The following ADD3 variants were observed in gnomAD, a reference collection of about 807,000 sequenced individuals.
ADD3 encodes the protein gamma-adducin.
In ADD3, 25 loss-of-function variants were observed where a neutral mutation model predicts 80.2. That is an observed-to-expected ratio of 0.31 (90% CI 0.23 to 0.44). The LOEUF is 0.44. ADD3 is among the 20% of genes least tolerant of loss of function. ADD3 has a pLI of 1.00. For missense variants in ADD3, 829 were observed against 847.5 expected, an observed-to-expected ratio of 0.98 and a Z score of 0.27; for synonymous variants, 284 against 289.6, an observed-to-expected ratio of 0.98 and a Z score of 0.20.
intron 10 of ADD3, among the ~76,000 whole-genome samples, chr10:110,125,553 C>G (rs907310863): frequency 6.6e-6 from 1 of 152,010 alleles, no homozygotes; most frequent in Non-Finnish European, 1.5e-5. Flanking sequence ...GTAGTTTCAG[C>G]ATCATATTTT....
chr10:110,128,281 G>T (rs1278111881), intron 12 of ADD3, among the ~76,000 whole-genome samples: 1 of 151,170 alleles, frequency 6.6e-6, no homozygotes, highest in Non-Finnish European at 1.5e-5. Flanking sequence ...TTGGATGTTG[G>T]GCCTCTTTGA....
chr10:110,033,419 G>A (rs1015602048), intron 1 of ADD3, among the ~76,000 whole-genome samples: 4 of 152,118 alleles, frequency 2.6e-5, no homozygotes, highest in African/African-American at 4.8e-5. Context: ...TGTTCATGTC[G>A]CCATACAATT....
At chr10:110,129,138 C>G (rs892464650) in intron 12 of ADD3, among the ~76,000 whole-genome samples, 6 of 148,728 alleles carry the variant, frequency 4.0e-5, no homozygotes, top group Non-Finnish European at 8.9e-5. Flanking sequence ...GTTTTTCTTT[C>G]TTTCTTTCTT....
chr10:110,122,044 G>C, intron 8 of ADD3, 66 bp from the exon 9 acceptor site: 1 of 1,398,758 alleles, frequency 7.1e-7, no homozygotes, highest in South Asian at 1.6e-5. Flanking sequence ...GTGCCTTTTT[G>C]AAAGTAAAAT....
chr10:110,089,692 TACAC>T (rs1232252193), intron 1 of ADD3, among the ~76,000 whole-genome samples: 1 of 151,656 alleles, frequency 6.6e-6, no homozygotes, highest in African/African-American at 2.4e-5. Context: ...TATATATATG[TACAC>T]ACACATATGT....
intron 1 of ADD3, among the ~76,000 whole-genome samples, chr10:109,996,787 A>C (rs995117547): frequency 6.6e-6 from 1 of 152,202 alleles, no homozygotes; most frequent in African/African-American, 2.4e-5. Flanking sequence ...CAAGGTATTT[A>C]AATCATGCGT....
chr10:110,114,109 G>C (rs1278717366), intron 3 of ADD3, among the ~76,000 whole-genome samples: 1 of 152,202 alleles, frequency 6.6e-6, no homozygotes, highest in Admixed American at 6.5e-5. Context: ...TGGGCCTGCT[G>C]GCTGGAATGT....
intron 1 of ADD3, among the ~76,000 whole-genome samples, chr10:110,037,593 AGACT>A (rs901088073): frequency 6.7e-6 from 1 of 149,786 alleles, no homozygotes; most frequent in Non-Finnish European, 1.5e-5. Flanking sequence ...CGACAGGGCA[AGACT>A]CAGTCTCAAA....
intron 1 of ADD3, among the ~76,000 whole-genome samples, chr10:110,032,871 T>C (rs930417992): frequency 2.7e-4 from 41 of 152,298 alleles, no homozygotes; most frequent in African/African-American, 8.7e-4. Context: ...CCAGAAACTT[T>C]ATCGAGAGGA....
rs1408968953 is a variant in ADD3, at chr10:110,063,771, ATATAT to A, written c.-29-36853_-29-36849del. Among the ~76,000 whole-genome samples the A allele has an allele frequency of 4.3e-4, 41 of 96,050 alleles. 1 individual carries two copies. The highest frequency in any genetic ancestry group is 1.3e-3 in the African/African-American group (38 of 29,258). The allele number at this position is 96,050 out of a possible 152,430, so 63.0% of individuals were successfully genotyped here. On this transcript the variant is annotated intron_variant, in intron 1 of 14. Coordinates refer to ENST00000356080, the MANE Select transcript of ADD3 (RefSeq NM_016824.5). Reference sequence around the variant, plus strand: ...TATATATATATATATATATATATATATATATATATATAAAGTGAACACCGTGTGTA... The same window carrying A: ...TATATATATATATATATATATATATAATATATAAAGTGAACACCGTGTGTA...
At chr10:110,034,510 G>C (rs1009191641) in intron 1 of ADD3, among the ~76,000 whole-genome samples, 1 of 151,578 alleles carries the variant, frequency 6.6e-6, no homozygotes, top group African/African-American at 2.4e-5. Flanking sequence ...AAATGTTTTA[G>C]TAGCAATTAA....
At chr10:110,017,309 A>G (rs1303875879) in intron 1 of ADD3, among the ~76,000 whole-genome samples, 2 of 152,220 alleles carry the variant, frequency 1.3e-5, no homozygotes, top group African/African-American at 4.8e-5. Flanking sequence ...GTTGTTTTTA[A>G]GGAAGTGGTA....
Position 110,119,195 on chromosome 10 carries a change from G to A in ADD3, c.718-16G>A. On this transcript the variant is annotated splice_polypyrimidine_tract_variant and intron_variant, in intron 6 of 14. Coordinates refer to ENST00000356080, the MANE Select transcript of ADD3 (RefSeq NM_016824.5). Reference sequence around the variant, plus strand: ...GTAACCAAATGTGTTATCTTGGTATGGGCCAAACCAAATAGGTATCCTCCA... The same window carrying A: ...GTAACCAAATGTGTTATCTTGGTATAGGCCAAACCAAATAGGTATCCTCCA... 1 of 1,613,436 alleles carries A rather than the reference G, an allele frequency of 6.2e-7. No homozygotes were observed. The highest frequency in any genetic ancestry group is 1.1e-5 in the South Asian group (1 of 90,996).
intron 1 of ADD3, among the ~76,000 whole-genome samples, chr10:110,095,209 A>T (rs1848007521): frequency 6.6e-6 from 1 of 152,194 alleles, no homozygotes; most frequent in South Asian, 2.1e-4. Flanking sequence ...TTGGATTTTT[A>T]AAATAACAGT....
chr10:110,106,680 C>G (rs543754443), intron 2 of ADD3, among the ~76,000 whole-genome samples: 1 of 151,998 alleles, frequency 6.6e-6, no homozygotes, highest in East Asian at 1.9e-4. Context: ...TTTAAGGCAC[C>G]CTGTCTCTAA....
intron 1 of ADD3, among the ~76,000 whole-genome samples, chr10:110,049,416 C>T (rs1857246735): frequency 6.6e-6 from 1 of 152,200 alleles, no homozygotes; most frequent in South Asian, 2.1e-4. Flanking sequence ...TGACAGCTTG[C>T]ACCGTGTGCC....
intron 1 of ADD3, among the ~76,000 whole-genome samples, chr10:110,097,188 G>T (rs1040664678): frequency 1.3e-5 from 2 of 152,126 alleles, no homozygotes; most frequent in Non-Finnish European, 2.9e-5. Context: ...AAGTGGATTG[G>T]GAATATAGCT....
intron 1 of ADD3, among the ~76,000 whole-genome samples, chr10:110,041,199 C>T (rs1856319644): frequency 1.3e-5 from 2 of 152,138 alleles, no homozygotes; most frequent in Admixed American, 1.3e-4. Flanking sequence ...AGATCTGGAG[C>T]ACAAGCTAGA....
intron 1 of ADD3, among the ~76,000 whole-genome samples, chr10:110,074,637 GCTAT>G (rs1394629818): frequency 2.0e-5 from 3 of 151,200 alleles, no homozygotes; most frequent in African/African-American, 4.9e-5. Flanking sequence ...TTTTTAAAAT[GCTAT>G]CTTTCTCTTT....
Sources: allele counts gnomAD v4.1 joint callset (sites outside exome capture counted in the v4.1 genomes callset), GRCh38; gene constraint gnomAD v4.1.1; transcripts MANE v1.5; gene names NCBI Gene and HGNC (gene_info 2026-07-23, HGNC 2026-07-21).